FAM227A: variants seen among roughly 807,000 people sequenced by gnomAD.
FAM227A encodes the protein family with sequence similarity 227 member A, also known as protein FAM227A.
FAM227A carries 80 observed loss-of-function variants against 74.7 expected under a neutral mutation model. The observed-to-expected ratio is 1.07, with a 90% CI of 0.89 to 1.29. FAM227A has a LOEUF of 1.29. Among genes scored for constraint, FAM227A ranks in the 50% most tolerant of loss-of-function variants. FAM227A has a pLI of 0.00. For synonymous variants in FAM227A, 237 were observed against 241.8 expected, an observed-to-expected ratio of 0.98 and a Z score of 0.19; for missense variants, 654 against 683.4, an observed-to-expected ratio of 0.96 and a Z score of 0.48.
At chr22:38,651,157 C>T (rs2092316289) in intron 1 of FAM227A, among the ~76,000 whole-genome samples, 1 of 152,110 alleles carries the variant, frequency 6.6e-6, no homozygotes, top group Admixed American at 6.6e-5. Context: ...ATGTGGTTCC[C>T]TCTGTTGGAC....
At chr22:38,604,200 G>A (rs144439865) in intron 13 of FAM227A, among the ~76,000 whole-genome samples, 159 of 152,182 alleles carry the variant, frequency 1.0e-3, no homozygotes, top group Admixed American at 2.7e-3. Flanking sequence ...GGTGGCACAC[G>A]CCTGTAGTCC....
intron 2 of FAM227A, among the ~76,000 whole-genome samples, chr22:38,649,108 T>C (rs926071484): frequency 3.3e-5 from 5 of 152,362 alleles, no homozygotes; most frequent in Non-Finnish European, 7.3e-5. Context: ...AACCACTTTT[T>C]AAAATTAGCT....
intron 2 of FAM227A, 100 bp downstream of exon 2, chr22:38,649,927 G>A: frequency 1.0e-6 from 1 of 999,338 alleles, no homozygotes; most frequent in Non-Finnish European, 1.5e-6. Context: ...AAGCTAATAA[G>A]TAATGTGCAT....
intron 8 of FAM227A, among the ~76,000 whole-genome samples, chr22:38,626,913 T>TATATATATATATATAC (rs34078214): frequency 2.4e-4 from 22 of 89,824 alleles, no homozygotes; most frequent in African/African-American, 5.0e-4. Context: ...TATATATATA[T>TATATATATATATATAC]ACACGTATAT....
intron 16 of FAM227A, 80 bp from the exon 17 acceptor site, chr22:38,586,279 G>A (rs1045466596): frequency 6.9e-7 from 1 of 1,452,982 alleles, no homozygotes; most frequent in Non-Finnish European, 9.3e-7. Flanking sequence ...CGTGAGCAGT[G>A]GCGTGGCCAG....
chr22:38,628,773 G>T, intron 7 of FAM227A, 61 bp downstream of exon 7: 2 of 1,010,334 alleles, frequency 2.0e-6, no homozygotes, highest in Non-Finnish European at 3.0e-6. Context: ...AAAGAGAATG[G>T]AATTTGTTCT....
intron 11 of FAM227A, among the ~76,000 whole-genome samples, chr22:38,609,962 A>AGGGTTTCGCCTTATTGGCCAGGC (rs1491555913): frequency 6.6e-6 from 1 of 152,116 alleles, no homozygotes; most frequent in East Asian, 1.9e-4. Flanking sequence ...TAGTAAAGAC[A>AGGGTTTCGCCTTATTGGCCAGGC]GGGTTTCGCC....
At chr22:38,600,261 C>T (rs1323734981) in intron 13 of FAM227A, among the ~76,000 whole-genome samples, 6 of 151,516 alleles carry the variant, frequency 4.0e-5, no homozygotes, top group Non-Finnish European at 5.9e-5. Flanking sequence ...TTTTTAAATA[C>T]TGAGATGCAA....
intron 14 of FAM227A, among the ~76,000 whole-genome samples, chr22:38,597,962 G>A (rs1403726157): frequency 1.8e-4 from 27 of 149,990 alleles, no homozygotes. Flanking sequence ...AGAATCGCTT[G>A]AACCCAGGAG....
At chr22:38,638,365 G>C (rs971877257) in intron 5 of FAM227A, among the ~76,000 whole-genome samples, 19 of 152,166 alleles carry the variant, frequency 1.2e-4, no homozygotes, top group African/African-American at 4.6e-4. Flanking sequence ...AGCTTCCTGA[G>C]GCATCCGCAG....
At chr22:38,647,496 T>C (rs185234618) in intron 2 of FAM227A, among the ~76,000 whole-genome samples, 60 of 152,170 alleles carry the variant, frequency 3.9e-4, no homozygotes, top group Non-Finnish European at 6.9e-4. Context: ...TAAATAATGC[T>C]GTGATGCATG....
At position 38,650,220 on chromosome 22, in the gene FAM227A, T is replaced by C. The variant is rs898842649; in HGVS notation, c.-52A>G. ...CAAAAAGCTTCCACTTTTAAGAGCC[T>C]CTCATTTCCCACTCCAATCTTGTCG... On this transcript the variant is annotated 5_prime_UTR_variant, in exon 2 of 17. Transcript: ENST00000535113. 3 of 1,522,746 alleles carry C rather than the reference T, an allele frequency of 2.0e-6. No individual in the cohort carries two copies. The highest frequency in any genetic ancestry group is 4.0e-5 in the Admixed American group (2 of 50,410). 94.3% of individuals were successfully genotyped at this position (1,522,746 alleles called of 1,614,324 possible). A position where few individuals can be genotyped will look rare whatever the true frequency, so the allele number is the denominator to read the frequency against.
Position 38,583,356 on chromosome 22 carries a change from G to A in FAM227A, c.*2769C>T, listed in dbSNP as rs200821949. On this transcript the variant is annotated 3_prime_UTR_variant, in exon 17 of 17. Coordinates refer to ENST00000535113, the MANE Select transcript of FAM227A (RefSeq NM_001013647.2). ...CCCGGCTAATTTTTTTGTATTTTTA[G>A]TAGAGATGGAGTTTCGCCACGTTGG... The A allele has an allele frequency of 3.5e-5, 6 of 170,438 alleles. No homozygotes were observed. In the East Asian group the frequency reaches 6.9e-4, roughly 20 times the overall value. 10.6% of individuals were successfully genotyped at this position (170,438 alleles called of 1,614,324 possible). A position where few individuals can be genotyped will look rare whatever the true frequency, so the allele number is the denominator to read the frequency against.
At chr22:38,612,010 C>T (rs536555487) in intron 11 of FAM227A, among the ~76,000 whole-genome samples, 1 of 152,102 alleles carries the variant, frequency 6.6e-6, no homozygotes, top group Admixed American at 6.6e-5. Context: ...TTTCTTCCCC[C>T]ACTTCTCCTC....
rs554265073 is a variant in FAM227A, at chr22:38,583,677, T to G, written c.*2448A>C. The G allele has an allele frequency of 1.2e-4, 19 of 152,302 alleles. No individual in the cohort carries two copies. The highest frequency in any genetic ancestry group is 4.6e-4 in the African/African-American group (19 of 41,540). The allele number at this position is 152,302 out of a possible 1,614,324, so 9.4% of individuals were successfully genotyped here. On this transcript the variant is annotated 3_prime_UTR_variant, in exon 17 of 17. Coordinates refer to ENST00000535113, the MANE Select transcript of FAM227A (RefSeq NM_001013647.2). ...CACAGCTACTATGCTGAGTCACACA[T>G]CCATATGGTGAAGCAGGGCAGGGAT...
At chr22:38,590,431 T>C (rs2090907623) in intron 16 of FAM227A, among the ~76,000 whole-genome samples, 1 of 152,170 alleles carries the variant, frequency 6.6e-6, no homozygotes, top group Admixed American at 6.5e-5. Context: ...AGACTTGGGC[T>C]GTCCATGGCC....
intron 3 of FAM227A, among the ~76,000 whole-genome samples, chr22:38,644,807 GC>G (rs2092198022): frequency 1.3e-5 from 2 of 152,206 alleles, no homozygotes; most frequent in South Asian, 4.1e-4. Context: ...TAAAGTTTAG[GC>G]CGGGCGTGGT....
At chr22:38,641,346 G>C (rs1282753211) in intron 3 of FAM227A, among the ~76,000 whole-genome samples, 1 of 152,026 alleles carries the variant, frequency 6.6e-6, no homozygotes, top group Non-Finnish European at 1.5e-5. Flanking sequence ...CTTATTTCCT[G>C]GGTCTGCATT....
At chr22:38,597,094 A>G (rs1844303401) in intron 15 of FAM227A, 110 bp downstream of exon 15, 1 of 943,636 alleles carries the variant, frequency 1.1e-6, no homozygotes, top group Non-Finnish European at 1.6e-6. Flanking sequence ...TATGCTTATG[A>G]TGGTTACAGG....
Sources: allele counts gnomAD v4.1 joint callset (sites outside exome capture counted in the v4.1 genomes callset), GRCh38; gene constraint gnomAD v4.1.1; transcripts MANE v1.5; gene names NCBI Gene and HGNC (gene_info 2026-07-23, HGNC 2026-07-21).